Variants in SHLD1 observed in about 807,000 individuals in gnomAD.
SHLD1 encodes RINN1-REV7-interacting novel NHEJ regulator 3.
In SHLD1, 3 loss-of-function variants were observed where a neutral mutation model predicts 5.5. The ratio of observed to expected loss-of-function variants is 0.54; its 90% CI spans 0.25 to 1.40. The LOEUF is 1.40. Among genes scored for constraint, SHLD1 ranks in the 40% most tolerant of loss-of-function variants. The pLI, the probability that SHLD1 is intolerant of heterozygous loss-of-function variation, is 0.15. For missense variants in SHLD1, 210 were observed against 244.4 expected, an observed-to-expected ratio of 0.86 and a Z score of 0.94; for synonymous variants, 92 against 94.3, an observed-to-expected ratio of 0.98 and a Z score of 0.14.
Position 5,806,163 on chromosome 20 carries a change from C to G in SHLD1, c.178+33120C>G, listed in dbSNP as rs1344424138. On this transcript the variant is annotated intron_variant, in intron 2 of 2. Transcript: ENST00000303142. The surrounding 1 kb of genome is among the most constrained non-coding windows in gnomAD (Gnocchi z 7.6). Reference sequence around the variant, plus strand: ...AATAGGTGTGAGCTACCACATCTGGCTGCTTTATAATTTTTTACTTGGCGT... The same window carrying G: ...AATAGGTGTGAGCTACCACATCTGGGTGCTTTATAATTTTTTACTTGGCGT... 6.6e-6 allele frequency among the ~76,000 whole-genome samples: 1 copy of G among 152,172 alleles called. No homozygotes were observed. The highest frequency in any genetic ancestry group is 1.5e-5 in the Non-Finnish European group (1 of 68,038).
chr20:5,861,949 C>A (rs921801493), intron 2 of SHLD1, among the ~76,000 whole-genome samples: 2 of 152,154 alleles, frequency 1.3e-5, no homozygotes, highest in African/African-American at 4.8e-5. Flanking sequence ...GGTGAGGGCT[C>A]CTTTCCTGGC....
chr20:5,833,924 A>G (rs1265803010), intron 2 of SHLD1, among the ~76,000 whole-genome samples: 1 of 152,190 alleles, frequency 6.6e-6, no homozygotes, highest in Non-Finnish European at 1.5e-5. Flanking sequence ...AGTTACCTAA[A>G]GTGGTCCTAT....
chr20:5,795,373 G>C (rs1270896419), intron 2 of SHLD1, among the ~76,000 whole-genome samples: 1 of 152,082 alleles, frequency 6.6e-6, no homozygotes, highest in Non-Finnish European at 1.5e-5. Flanking sequence ...AAGGTGGGCA[G>C]ATCACTTGAA....
chr20:5,790,328 G>T (rs1020180830), intron 2 of SHLD1, among the ~76,000 whole-genome samples: 1 of 152,130 alleles, frequency 6.6e-6, no homozygotes, highest in Admixed American at 6.6e-5. Flanking sequence ...GGAGCCTGTG[G>T]AAACTCAGCA....
chr20:5,779,979 T>G (rs978054378), intron 2 of SHLD1, among the ~76,000 whole-genome samples: 2 of 139,704 alleles, frequency 1.4e-5, no homozygotes, highest in African/African-American at 5.5e-5. Flanking sequence ...TCTGTTTTTT[T>G]TTTTTTTTTT....
chr20:5,825,993 G>T (rs903095023), intron 2 of SHLD1, among the ~76,000 whole-genome samples: 1 of 152,152 alleles, frequency 6.6e-6, no homozygotes, highest in African/African-American at 2.4e-5. Flanking sequence ...AGAGCCCCTT[G>T]GCCCACAGGA....
At chr20:5,847,910 G>A (rs2087951233) in intron 2 of SHLD1, among the ~76,000 whole-genome samples, 1 of 152,146 alleles carries the variant, frequency 6.6e-6, no homozygotes, top group Non-Finnish European at 1.5e-5. Flanking sequence ...AAAGTCTCCT[G>A]ATACATGTGC....
intron 2 of SHLD1, among the ~76,000 whole-genome samples, chr20:5,817,520 G>A (rs1600151695): frequency 6.7e-6 from 1 of 150,286 alleles, no homozygotes; most frequent in East Asian, 2.0e-4. Flanking sequence ...ACTCACTAGG[G>A]AGATTTTTTG....
At chr20:5,755,829 G>T (rs772656814) in intron 1 of SHLD1, among the ~76,000 whole-genome samples, 28 of 152,126 alleles carry the variant, frequency 1.8e-4, no homozygotes, top group African/African-American at 6.8e-4. Context: ...GGAGTGCTGG[G>T]ATTACAGGCA....
At chr20:5,862,073 G>C (rs2088169954) in intron 2 of SHLD1, among the ~76,000 whole-genome samples, 1 of 152,100 alleles carries the variant, frequency 6.6e-6, no homozygotes, top group African/African-American at 2.4e-5. Flanking sequence ...GATCCTTTCA[G>C]ATTAGGATTC....
At chr20:5,801,114 A>G (rs411311) in intron 2 of SHLD1, among the ~76,000 whole-genome samples, 127,122 of 148,984 alleles carry the variant, frequency 0.85, 54,358 homozygotes, top group East Asian at 1. Flanking sequence ...TTTCTCTCTT[A>G]TCACCCAGGC....
intron 2 of SHLD1, among the ~76,000 whole-genome samples, chr20:5,858,510 T>G (rs957070860): frequency 6.6e-6 from 1 of 152,150 alleles, no homozygotes; most frequent in African/African-American, 2.4e-5. Flanking sequence ...AACTCCTAAA[T>G]ATATAAAAAT....
At chr20:5,824,762 A>G (rs1203892449) in intron 2 of SHLD1, among the ~76,000 whole-genome samples, 1 of 152,128 alleles carries the variant, frequency 6.6e-6, no homozygotes, top group Non-Finnish European at 1.5e-5. Flanking sequence ...CATGGATTGA[A>G]GTTTGTGTCT....
intron 2 of SHLD1, among the ~76,000 whole-genome samples, chr20:5,812,269 T>C (rs2087469936): frequency 6.6e-6 from 1 of 152,114 alleles, no homozygotes; most frequent in Non-Finnish European, 1.5e-5. Flanking sequence ...CCTAGTGTTT[T>C]TTTCTCACGT....
chr20:5,842,018 A>G (rs2087868746), intron 2 of SHLD1, among the ~76,000 whole-genome samples: 2 of 152,208 alleles, frequency 1.3e-5, no homozygotes, highest in Admixed American at 6.5e-5. Context: ...TATAAAACCA[A>G]CCTAGAACAA....
chr20:5,850,107 C>T lies in SHLD1; in HGVS notation c.179-12917C>T, dbSNP rs183845247. Among the ~76,000 whole-genome samples, 255 of 91,500 alleles carry T rather than the reference C, an allele frequency of 2.8e-3. 1 individual carries two copies. The highest frequency in any genetic ancestry group is 6.8e-3 in the African/African-American group (195 of 28,716). The allele number at this position is 91,500 out of a possible 152,430, so 60.0% of individuals were successfully genotyped here. ...CAGCCTGGGCAACACAGCAAGACCCCGTCTCAATAATAATAATAATAATAA... is the reference window on the plus strand; with the variant it reads ...CAGCCTGGGCAACACAGCAAGACCCTGTCTCAATAATAATAATAATAATAA... On this transcript the variant is annotated intron_variant, in intron 2 of 2. Coordinates refer to ENST00000303142, the MANE Select transcript of SHLD1 (RefSeq NM_152504.4).
At chr20:5,854,375 T>A (rs1187297025) in intron 2 of SHLD1, among the ~76,000 whole-genome samples, 2 of 152,220 alleles carry the variant, frequency 1.3e-5, no homozygotes, top group African/African-American at 4.8e-5. Context: ...CTCAAACTCC[T>A]GAACTCACGT....
At chr20:5,857,828 C>T (rs2088109020) in intron 2 of SHLD1, among the ~76,000 whole-genome samples, 1 of 151,354 alleles carries the variant, frequency 6.6e-6, no homozygotes, top group African/African-American at 2.4e-5. Flanking sequence ...AACCAGGTGC[C>T]CTGGCTCACG....
chr20:5,813,647 T>A, intron 2 of SHLD1, among the ~76,000 whole-genome samples: 1 of 152,188 alleles, frequency 6.6e-6, no homozygotes, highest in East Asian at 1.9e-4. Flanking sequence ...TGGATAGGTT[T>A]CTCTGATAAG....
Sources: gnomAD v4.1 joint callset for allele counts (sites outside exome capture counted in the v4.1 genomes callset) on GRCh38, gnomAD v4.1.1 for gene constraint, Gnocchi (gnomAD v3.1) non-coding constraint, MANE v1.5 for transcripts, NCBI Gene and HGNC (gene_info 2026-07-23, HGNC 2026-07-21) for gene names.